Variants in MAN2A1 observed in about 807,000 individuals in gnomAD.
The protein encoded by MAN2A1 is mannosidase alpha class 2A member 1, also known as alpha-mannosidase 2.
Under a neutral mutation model 142.6 loss-of-function variants are expected in MAN2A1, and 76 were observed. The ratio of observed to expected loss-of-function variants is 0.53; its 90% CI spans 0.44 to 0.65. The LOEUF (loss-of-function observed/expected upper bound fraction) is 0.65, where lower values mean the gene tolerates loss of function less well. MAN2A1 is among the 30% of genes least tolerant of loss of function. The pLI is 0.00. For synonymous variants in MAN2A1, 559 were observed against 473.2 expected (o/e 1.18, Z -2.35); for missense variants, 1,311 against 1,365.1 (o/e 0.96, Z 0.62).
At chr5:109,829,533 A>C (rs1287766612) in intron 16 of MAN2A1, among the ~76,000 whole-genome samples, 1 of 152,230 alleles carries the variant, frequency 6.6e-6, no homozygotes, top group African/African-American at 2.4e-5. Flanking sequence ...ACTCTTGGCC[A>C]GTCTTCTTTT....
chr5:109,736,318 G>A (rs1210833817), intron 4 of MAN2A1, among the ~76,000 whole-genome samples: 2 of 151,982 alleles, frequency 1.3e-5, no homozygotes, highest in Non-Finnish European at 2.9e-5. Context: ...AACCACATAA[G>A]CATTGATATT....
intron 16 of MAN2A1, among the ~76,000 whole-genome samples, chr5:109,840,988 C>T (rs2112755464): frequency 6.6e-6 from 1 of 152,140 alleles, no homozygotes; most frequent in East Asian, 1.9e-4. Flanking sequence ...AAAAAGTCTT[C>T]CTTACTCCTT....
At chr5:109,754,295 G>T (rs1752624021) in intron 4 of MAN2A1, among the ~76,000 whole-genome samples, 1 of 151,920 alleles carries the variant, frequency 6.6e-6, no homozygotes, top group Non-Finnish European at 1.5e-5. Flanking sequence ...CTTCTCAGGG[G>T]AAAGTATCTT....
intron 1 of MAN2A1, among the ~76,000 whole-genome samples, chr5:109,692,677 G>A (rs1750705105): frequency 6.6e-6 from 1 of 152,082 alleles, no homozygotes; most frequent in South Asian, 2.1e-4. Context: ...GTTGCCTACT[G>A]TTTAGGCTGC....
rs372795444 is a variant in MAN2A1 at position 109,817,260 on chromosome 5, G to C, written c.1944-13G>C. Reference sequence around the variant, plus strand: ...ATTTTGAGATCCCAATAATGAAGCAGCTGTTTTTGCAGGTACCTTGTGGTC... The same window carrying C: ...ATTTTGAGATCCCAATAATGAAGCACCTGTTTTTGCAGGTACCTTGTGGTC... On this transcript the variant is annotated splice_polypyrimidine_tract_variant and intron_variant, in intron 12 of 21. Transcript: ENST00000261483. The C allele has an allele frequency of 1.2e-6, 2 of 1,611,184 alleles. No homozygotes were observed. Among genetic ancestry groups the C allele is most frequent in the Non-Finnish European group, 1.7e-6 (2 of 1,178,520 alleles).
chr5:109,726,235 C>T (rs1751740898), intron 3 of MAN2A1, among the ~76,000 whole-genome samples: 1 of 151,972 alleles, frequency 6.6e-6, no homozygotes, highest in Admixed American at 6.6e-5. Flanking sequence ...AAAATTCATC[C>T]CCTACCACTT....
At position 109,734,231 on chromosome 5, in the gene MAN2A1, C is replaced by G. The variant is rs1178912712; in HGVS notation, c.707+4718C>G. 2.0e-5 allele frequency among the ~76,000 whole-genome samples: 3 copies of G among 149,006 alleles called. No individual in the cohort carries two copies. The East Asian group carries it at 5.9e-4, about 29-fold the overall frequency. ...ATATCCCCTTTATCATTTTTTATTGCGTCTATTTGATTCTTCTCTCTTTTC... is the reference window on the plus strand; with the variant it reads ...ATATCCCCTTTATCATTTTTTATTGGGTCTATTTGATTCTTCTCTCTTTTC... On this transcript the variant is annotated intron_variant, in intron 4 of 21. Transcript: ENST00000261483.
chr5:109,752,042 C>T (rs1440065287), intron 4 of MAN2A1, among the ~76,000 whole-genome samples: 1 of 152,166 alleles, frequency 6.6e-6, no homozygotes, highest in Non-Finnish European at 1.5e-5. Context: ...CTTCCTTTCT[C>T]AACGCAATTG....
chr5:109,701,034 G>A (rs113394349), intron 1 of MAN2A1, among the ~76,000 whole-genome samples: 230 of 152,322 alleles, frequency 1.5e-3, no homozygotes, highest in Non-Finnish European at 2.6e-3. Flanking sequence ...TATAGTAAGT[G>A]CTCAGTAAAT....
intron 9 of MAN2A1, among the ~76,000 whole-genome samples, chr5:109,783,653 G>A (rs951642079): frequency 1.3e-5 from 2 of 151,910 alleles, no homozygotes; most frequent in Non-Finnish European, 2.9e-5. Context: ...TTTTCAAGTT[G>A]CCTTGATTCT....
Position 109,855,167 on chromosome 5 carries a change from C to G in MAN2A1, c.3004C>G (p.Pro1002Ala). The change falls in exon 20 of 22, where the codon CCT becomes GCT. Residue 1002 changes from proline (P) to alanine (A), a missense_variant. Physicochemically the swap from Pro to Ala is conservative, Grantham distance 27. Coordinates refer to ENST00000261483, the MANE Select transcript of MAN2A1 (RefSeq NM_002372.4). ...TEEEKKSVSY[P>A]SLLSHITSSL... Reference sequence around the variant, plus strand: ...AGAAGAAAAGAAGTCGGTCAGTTATCCTTCTCTCCTTAGCCACATAACTTC... The same window carrying G: ...AGAAGAAAAGAAGTCGGTCAGTTATGCTTCTCTCCTTAGCCACATAACTTC... 5 of 1,566,860 alleles carry G rather than the reference C, an allele frequency of 3.2e-6. No homozygotes were observed. Among genetic ancestry groups the G allele is most frequent in the Non-Finnish European group, 4.3e-6 (5 of 1,163,140 alleles).
At chr5:109,768,165 C>T (rs1753046040) in intron 6 of MAN2A1, among the ~76,000 whole-genome samples, 1 of 152,076 alleles carries the variant, frequency 6.6e-6, no homozygotes, top group South Asian at 2.1e-4. Flanking sequence ...GTCAAAATAC[C>T]ACCTGTCTTC....
chr5:109,843,333 A>C (rs1755261935), intron 17 of MAN2A1, among the ~76,000 whole-genome samples: 1 of 152,088 alleles, frequency 6.6e-6, no homozygotes, highest in Admixed American at 6.5e-5. Context: ...AGATCTTGTG[A>C]GATCTCCCTC....
At chr5:109,804,073 C>T in intron 12 of MAN2A1, 2 of 638,606 alleles carry the variant, frequency 3.1e-6, no homozygotes, top group Non-Finnish European at 3.9e-6. Context: ...CAAAGCAGTT[C>T]AGAACATAGA....
intron 2 of MAN2A1, among the ~76,000 whole-genome samples, chr5:109,715,390 T>A (rs1751424559): frequency 6.6e-6 from 1 of 151,994 alleles, no homozygotes; most frequent in Admixed American, 6.6e-5. Flanking sequence ...GTTGTCACAT[T>A]TAATATTATA....
At chr5:109,708,509 G>GACACACACACAC (rs145989678) in intron 1 of MAN2A1, among the ~76,000 whole-genome samples, 4,163 of 124,512 alleles carry the variant, frequency 0.033, 167 homozygotes, top group Middle Eastern at 0.073. Flanking sequence ...GAACTGATAG[G>GACACACACACAC]ACACACACAC....
chr5:109,781,623 A>T, intron 9 of MAN2A1, 25 bp downstream of exon 9: 4 of 1,474,856 alleles, frequency 2.7e-6, no homozygotes, highest in Non-Finnish European at 3.7e-6. Flanking sequence ...CTATAGCTAC[A>T]TGTATTTTTT....
rs2112627705 is a variant in MAN2A1 at position 109,755,432 on chromosome 5, C to A, written c.811C>A (p.His271Asn). 1 of 1,611,354 alleles carries A rather than the reference C, an allele frequency of 6.2e-7. No individual in the cohort carries two copies. The highest frequency in any genetic ancestry group is 8.5e-7 in the Non-Finnish European group (1 of 1,177,608). Reference protein sequence around the residue: ...FALIDQLIEGHQWLENNIGVK... With the variant: ...FALIDQLIEGNQWLENNIGVK... The stretch of plus-strand genomic sequence containing the variant: ...CTTAATTGATCAACTAATTGAAGGA[C>A]ATCAGTGGCTGGAAAATAATATAGG... Residue 271 changes from histidine (H) to asparagine (N), a missense_variant, in exon 5 of 22, where the codon CAT becomes AAT. This residue lies in a region of MAN2A1 where 409 missense variants were observed against 412.7 expected (regional missense o/e 0.99). Transcript: ENST00000261483.
At chr5:109,802,934 T>C (rs1754069305) in intron 12 of MAN2A1, among the ~76,000 whole-genome samples, 1 of 152,094 alleles carries the variant, frequency 6.6e-6, no homozygotes, top group South Asian at 2.1e-4. Flanking sequence ...TATGATAGGC[T>C]ACCTAATACA....
Sources: allele counts gnomAD v4.1 joint callset (sites outside exome capture counted in the v4.1 genomes callset), GRCh38; gene constraint gnomAD v4.1.1; regional missense constraint gnomAD v4.1.1; transcripts MANE v1.5; gene names NCBI Gene and HGNC (gene_info 2026-07-23, HGNC 2026-07-21).